CUX1: variants seen among roughly 807,000 people sequenced by gnomAD.
CUX1 encodes protein CASP.
Under a neutral mutation model 158.8 loss-of-function variants are expected in CUX1, and 31 were observed. That is an observed-to-expected ratio of 0.20 (90% CI 0.15 to 0.26). CUX1 has a LOEUF of 0.26. Among genes scored for constraint, CUX1 ranks in the 10% least tolerant of loss-of-function variants. The pLI is 1.00. For synonymous variants in CUX1, 879 were observed against 862.1 expected (o/e 1.02, Z -0.34); for missense variants, 1,589 against 2,014.6 (o/e 0.79, Z 4.04).
At chr7:101,827,218 G>A (rs887819713) in intron 1 of CUX1, among the ~76,000 whole-genome samples, 1 of 137,800 alleles carries the variant, frequency 7.3e-6, no homozygotes, top group African/African-American at 2.6e-5. Flanking sequence ...AAAAATCCAC[G>A]TATAACTTTT....
At chr7:101,924,451 C>G (rs993283635) in intron 2 of CUX1, among the ~76,000 whole-genome samples, 2 of 152,164 alleles carry the variant, frequency 1.3e-5, no homozygotes, top group Non-Finnish European at 2.9e-5. Flanking sequence ...CTGCACACCC[C>G]CCAGGACCCT....
At chr7:102,196,080 A>G (rs1468693941) in intron 14 of CUX1, among the ~76,000 whole-genome samples, 4 of 151,920 alleles carry the variant, frequency 2.6e-5, no homozygotes, top group African/African-American at 4.8e-5. Flanking sequence ...TCATCCCCCA[A>G]ATGGTGGCGT....
chr7:102,245,232 A>G (rs62484936), intron 23 of CUX1, among the ~76,000 whole-genome samples: 2,700 of 152,076 alleles, frequency 0.018, 39 homozygotes, highest in Admixed American at 0.028. Flanking sequence ...TTCTGTAGAG[A>G]TGGGGTTTTG....
chr7:102,182,052 C>G (rs1232333761), intron 11 of CUX1, among the ~76,000 whole-genome samples: 2 of 152,202 alleles, frequency 1.3e-5, no homozygotes, highest in Non-Finnish European at 2.9e-5. Context: ...GTCCCCTTCC[C>G]CTCTTTCATG....
chr7:102,136,540 G>A (rs1476614794), intron 8 of CUX1, among the ~76,000 whole-genome samples: 11 of 151,946 alleles, frequency 7.2e-5, no homozygotes, highest in African/African-American at 1.2e-4. Context: ...TACAGGCACC[G>A]CCACCACACC....
chr7:102,168,050 C>T (rs1400659025), intron 9 of CUX1, among the ~76,000 whole-genome samples: 1 of 151,546 alleles, frequency 6.6e-6, no homozygotes, highest in Non-Finnish European at 1.5e-5. Flanking sequence ...TGCACTCCAG[C>T]CTGGGTGACA....
chr7:101,944,677 T>C (rs1387072145), intron 2 of CUX1, among the ~76,000 whole-genome samples: 1 of 152,244 alleles, frequency 6.6e-6, no homozygotes, highest in Non-Finnish European at 1.5e-5. Flanking sequence ...GGGCAGTCCA[T>C]GTCATCTGCT....
chr7:102,266,326 G>T (rs1337173954), intron 14 of CUX1, among the ~76,000 whole-genome samples: 1 of 151,884 alleles, frequency 6.6e-6, no homozygotes, highest in East Asian at 1.9e-4. Flanking sequence ...CAGAGAGCTG[G>T]GTCAGGCCGG....
At chr7:101,976,319 A>T (rs528350028) in intron 2 of CUX1, among the ~76,000 whole-genome samples, 15 of 152,166 alleles carry the variant, frequency 9.9e-5, no homozygotes, top group Admixed American at 3.9e-4. Context: ...AGGGTATTGT[A>T]GTGTAAGGGA....
intron 1 of CUX1, among the ~76,000 whole-genome samples, chr7:101,911,839 G>A (rs1031609464): frequency 6.6e-6 from 1 of 152,232 alleles, no homozygotes; most frequent in Non-Finnish European, 1.5e-5. Flanking sequence ...CCAAGGGGCC[G>A]GCTGGGTGGG....
intron 21 of CUX1, among the ~76,000 whole-genome samples, chr7:102,227,951 CTTTTTTT>C (rs781968632): frequency 1.7e-5 from 2 of 117,302 alleles, no homozygotes; most frequent in African/African-American, 6.4e-5. Flanking sequence ...TCTTTTTTTT[CTTTTTTT>C]TTTTTTTTTT....
At position 102,253,052 on chromosome 7, in the gene CUX1, G is replaced by A. The variant is rs540171727; in HGVS notation, c.*4010G>A. ...GTAATTGAGGCAAAAGATACCAGTC[G>A]ACAGCCTCCCTGGGGTAGATCCCTT... On this transcript the variant is annotated 3_prime_UTR_variant, in exon 24 of 24. Transcript: ENST00000292535. The A allele has an allele frequency of 2.0e-4, 197 of 985,428 alleles. 1 individual carries two copies. Among genetic ancestry groups the A allele is most frequent in the Admixed American group, 6.8e-4 (11 of 16,284 alleles). The allele number at this position is 985,428 out of a possible 1,614,324, so 61.0% of individuals were successfully genotyped here.
chr7:102,197,667 G>A (rs1554518780), intron 15 of CUX1, among the ~76,000 whole-genome samples: 1 of 152,116 alleles, frequency 6.6e-6, no homozygotes, highest in Non-Finnish European at 1.5e-5. Context: ...TTTGGGAGGA[G>A]CCCTTAAGTC....
intron 2 of CUX1, among the ~76,000 whole-genome samples, chr7:101,963,266 C>T (rs1810732965): frequency 6.6e-6 from 1 of 152,208 alleles, no homozygotes; most frequent in Non-Finnish European, 1.5e-5. Context: ...TGTCCTCCCC[C>T]TCACTGATGT....
intron 8 of CUX1, among the ~76,000 whole-genome samples, chr7:102,128,391 G>A (rs572424474): frequency 2.6e-5 from 4 of 152,040 alleles, no homozygotes; most frequent in South Asian, 2.1e-4. Flanking sequence ...CCGCAGCACC[G>A]GATTGGGCCG....
intron 2 of CUX1, among the ~76,000 whole-genome samples, chr7:101,966,228 G>C (rs1334676251): frequency 6.6e-6 from 1 of 151,704 alleles, no homozygotes; most frequent in Non-Finnish European, 1.5e-5. Flanking sequence ...ACCATGCCTG[G>C]CTAATTTTTG....
chr7:101,863,261 T>A (rs1438041966), intron 1 of CUX1, among the ~76,000 whole-genome samples: 1 of 152,106 alleles, frequency 6.6e-6, no homozygotes, highest in African/African-American at 2.4e-5. Context: ...AAAATTTGTT[T>A]CAATCAGAAC....
At chr7:102,138,799 C>A (rs1329606965) in intron 8 of CUX1, among the ~76,000 whole-genome samples, 5 of 152,126 alleles carry the variant, frequency 3.3e-5, no homozygotes, top group Non-Finnish European at 7.4e-5. Context: ...TGGTAAGAAT[C>A]CTTTATTCCC....
Position 102,202,106 on chromosome 7 carries a change from G to A in CUX1, c.2809G>A (p.Val937Ile). Residue 937 changes from valine to isoleucine, a missense_variant, in exon 18 of 24, where the codon GTC (valine) becomes ATC (isoleucine). This residue lies in a region of CUX1 where 337 missense variants were observed against 409.3 expected (regional missense o/e 0.82). Transcript: ENST00000292535. ...CCCGCTGACCCCCGAGCAGTACGAG[G>A]TCTACATGTACCAGGAGGTGGACAC... ...VPPLTPEQYE[V>I]YMYQEVDTIE... The A allele has an allele frequency of 1.2e-6, 2 of 1,614,130 alleles. No homozygotes were observed. Among genetic ancestry groups the A allele is most frequent in the East Asian group, 2.2e-5 (1 of 44,878 alleles).
Sources: allele counts gnomAD v4.1 joint callset (sites outside exome capture counted in the v4.1 genomes callset), GRCh38; gene constraint gnomAD v4.1.1; regional missense constraint gnomAD v4.1.1; transcripts MANE v1.5; gene names NCBI Gene and HGNC (gene_info 2026-07-23, HGNC 2026-07-21).